Variants in MAPRE2 observed in about 807,000 individuals in gnomAD.
MAPRE2 encodes microtubule-associated protein RP/EB family member 2.
MAPRE2 carries 13 observed loss-of-function variants against 43.2 expected under a neutral mutation model. The ratio of observed to expected loss-of-function variants is 0.30; its 90% confidence interval spans 0.20 to 0.48. The LOEUF is 0.48. Ranked by LOEUF, MAPRE2 falls within the 20% of genes least tolerant of loss-of-function variation. The pLI is 0.99. For synonymous variants in MAPRE2, 135 were observed against 148.8 expected, an observed-to-expected ratio of 0.91 and a Z score of 0.68; for missense variants, 161 against 400.2, an observed-to-expected ratio of 0.40 and a Z score of 5.10.
chr18:34,987,350 A>C (rs2097021568), intron 1 of MAPRE2, among the ~76,000 whole-genome samples: 1 of 152,210 alleles, frequency 6.6e-6, no homozygotes, highest in Non-Finnish European at 1.5e-5. Flanking sequence ...CTTAAAATGC[A>C]GAATTTGAGA....
At chr18:34,989,512 C>G (rs756163977) in intron 1 of MAPRE2, among the ~76,000 whole-genome samples, 5 of 152,128 alleles carry the variant, frequency 3.3e-5, no homozygotes, top group Non-Finnish European at 5.9e-5. Flanking sequence ...AAGTTCAAGA[C>G]CAGCCTGGGC....
chr18:35,059,541 A>G (rs2150612956), intron 1 of MAPRE2, among the ~76,000 whole-genome samples: 1 of 152,372 alleles, frequency 6.6e-6, no homozygotes, highest in African/African-American at 2.4e-5. Context: ...AACAAAACAT[A>G]TTCTATAAAG....
In MAPRE2 at chr18:35,097,482, C is replaced by G; in HGVS notation, c.287C>G (p.Pro96Arg). ...AYCQFMDMLF[P>R]GCISLKKVKF... Reference sequence around the variant, plus strand: ...TGCCAATTCATGGACATGCTCTTCCCTGGCTGCATTAGTTTGAAGAAAGTA... The same window carrying G: ...TGCCAATTCATGGACATGCTCTTCCGTGGCTGCATTAGTTTGAAGAAAGTA... Residue 96 changes from proline to arginine, a missense_variant, in exon 3 of 7, where the codon CCT becomes CGT. Physicochemically the swap from Pro to Arg is moderately radical, Grantham distance 103. Transcript: ENST00000300249. 1 of 1,613,942 alleles carries G rather than the reference C, an allele frequency of 6.2e-7. No individual in the cohort carries two copies. Among genetic ancestry groups the G allele is most frequent in the Non-Finnish European group, 8.5e-7 (1 of 1,179,864 alleles).
intron 3 of MAPRE2, 38 bp from the exon 4 acceptor site, chr18:35,101,908 G>A (rs1030722873): frequency 8.2e-6 from 12 of 1,471,310 alleles, no homozygotes; most frequent in African/African-American, 2.8e-5. Flanking sequence ...ATACCCAAAC[G>A]TGAGGTTTGT....
intron 6 of MAPRE2, among the ~76,000 whole-genome samples, 158 bp from the exon 7 acceptor site, chr18:35,140,137 C>T (rs1247732742): frequency 1.3e-5 from 2 of 152,194 alleles, no homozygotes. Flanking sequence ...TATCAGACAC[C>T]GGAAGCTGGG....
chr18:35,011,186 T>C (rs909189580), intron 2 of MAPRE2, among the ~76,000 whole-genome samples: 2 of 152,058 alleles, frequency 1.3e-5, no homozygotes, highest in Non-Finnish European at 2.9e-5. Context: ...CAGGATGCCG[T>C]GGGAGTCCTC....
chr18:35,041,269 C>T (rs758097088), upstream of MAPRE2: 8 of 1,337,274 alleles, frequency 6.0e-6, no homozygotes, highest in South Asian at 4.6e-5. Flanking sequence ...ACGCCGCGAC[C>T]CTGTGCGAAT....
intron 4 of MAPRE2, among the ~76,000 whole-genome samples, chr18:35,109,361 C>T (rs1026976985): frequency 1.3e-5 from 2 of 152,128 alleles, no homozygotes; most frequent in African/African-American, 4.8e-5. Context: ...TTACTGTAGC[C>T]TTGTAGTATA....
Position 34,995,109 on chromosome 18 carries a change from G to A in MAPRE2, c.-69-10383G>A, listed in dbSNP as rs186495954. 8.2e-4 allele frequency among the ~76,000 whole-genome samples: 125 copies of A among 152,258 alleles called. 1 individual carries two copies. The highest frequency in any genetic ancestry group is 1.4e-3 in the Non-Finnish European group (92 of 68,024). ...GTAGGTGAGGACTCCTGATATTCTA[G>A]CATCAGTGGGCGCTTCTTTTCCCTC... On this transcript the variant is annotated intron_variant, in intron 1 of 7. Coordinates refer to the MAPRE2 transcript ENST00000413393.
At chr18:35,032,067 T>C (rs2097048112) in intron 2 of MAPRE2, among the ~76,000 whole-genome samples, 1 of 152,164 alleles carries the variant, frequency 6.6e-6, no homozygotes, top group South Asian at 2.1e-4. Flanking sequence ...TGGCCAACCA[T>C]ATACTTTTTC....
chr18:35,091,919 G>T (rs1312352800), intron 2 of MAPRE2, among the ~76,000 whole-genome samples: 1 of 152,198 alleles, frequency 6.6e-6, no homozygotes, highest in Non-Finnish European at 1.5e-5. Context: ...AGTTCTGCAG[G>T]CTGTACATAT....
chr18:35,046,739 T>G (rs1905641215), intron 1 of MAPRE2, among the ~76,000 whole-genome samples: 1 of 152,206 alleles, frequency 6.6e-6, no homozygotes, highest in African/African-American at 2.4e-5. Context: ...TGCGAGAGCT[T>G]GAGCCCTCTA....
intron 6 of MAPRE2, among the ~76,000 whole-genome samples, chr18:35,133,043 C>T (rs1910233299): frequency 6.6e-6 from 1 of 152,124 alleles, no homozygotes; most frequent in African/African-American, 2.4e-5. Context: ...GTCCCGGTCT[C>T]TGGGTGTTCT....
chr18:34,978,249 C>T, intron 1 of MAPRE2: 1 of 542,120 alleles, frequency 1.8e-6, no homozygotes, highest in Admixed American at 3.6e-5. Flanking sequence ...ATAGTGTAGA[C>T]CCGCTAGGCA....
Position 34,981,873 on chromosome 18 carries a change from T to TTA in MAPRE2, c.-70+4795_-70+4796insAT, listed in dbSNP as rs1555909245. On this transcript the variant is annotated intron_variant, in intron 1 of 7. Transcript: ENST00000413393. ...CTCAGCGACTTTATTTATTTTTTTT[T>TTA]TTTATTTTTATTTATTTTTTTTTTT... is the stretch of plus-strand genomic sequence containing the variant. Among the ~76,000 whole-genome samples, 95 of 39,362 alleles carry TTA rather than the reference T, an allele frequency of 2.4e-3. 1 individual carries two copies. Among genetic ancestry groups the TTA allele is most frequent in the African/African-American group, 5.1e-3 (90 of 17,540 alleles). 25.8% of individuals were successfully genotyped at this position (39,362 alleles called of 152,430 possible). A position where few individuals can be genotyped will look rare whatever the true frequency, so the allele number is the denominator to read the frequency against.
intron 3 of MAPRE2, among the ~76,000 whole-genome samples, chr18:35,098,508 ATATT>A (rs1908528183): frequency 6.6e-6 from 1 of 152,234 alleles, no homozygotes; most frequent in Non-Finnish European, 1.5e-5. Flanking sequence ...TCTTATCAAT[ATATT>A]AAGAAAATCC....
intron 4 of MAPRE2, among the ~76,000 whole-genome samples, chr18:35,114,548 G>T (rs911503330): frequency 7.2e-5 from 11 of 152,090 alleles, no homozygotes; most frequent in African/African-American, 2.7e-4. Context: ...TTGAGCCCTA[G>T]ATTAGTAGAA....
intron 1 of MAPRE2, among the ~76,000 whole-genome samples, chr18:34,981,872 T>TTTA (rs2097016421): frequency 1.5e-4 from 6 of 41,254 alleles, no homozygotes; most frequent in African/African-American, 3.4e-4. Context: ...TTATTTTTTT[T>TTTA]TTTTATTTTT....
At chr18:34,980,031 C>CTTTTTTTTTTTTTTTT (rs796434537) in intron 1 of MAPRE2, among the ~76,000 whole-genome samples, 61 of 46,100 alleles carry the variant, frequency 1.3e-3, no homozygotes, top group Non-Finnish European at 1.6e-3. Flanking sequence ...TTCTTTTTTT[C>CTTTTTTTTTTTTTTTT]TTTTTTTTTT....
Sources: allele counts gnomAD v4.1 joint callset (sites outside exome capture counted in the v4.1 genomes callset), GRCh38; gene constraint gnomAD v4.1.1; transcripts MANE v1.5; gene names NCBI Gene and HGNC (gene_info 2026-07-23, HGNC 2026-07-21).